The following TRAPPC9 variants were observed in gnomAD, a reference collection of about 807,000 sequenced individuals.
The protein encoded by TRAPPC9 is IKK2 binding protein.
A neutral mutation model predicts 124.0 loss-of-function variants in TRAPPC9; 83 were observed. The ratio of observed to expected loss-of-function variants is 0.67; its 90% CI spans 0.56 to 0.80. The LOEUF is 0.80. TRAPPC9 is among the 30% of genes least tolerant of loss of function. The pLI is 0.00. For synonymous variants in TRAPPC9, 638 were observed against 617.5 expected (o/e 1.03, Z -0.49); for missense variants, 1,302 against 1,508.3 (o/e 0.86, Z 2.27).
intron 19 of TRAPPC9, chr8:139,932,491 G>A (rs776055596): frequency 2.2e-5 from 10 of 456,874 alleles, no homozygotes; most frequent in Non-Finnish European, 4.0e-5. Context: ...CACTGGGCGC[G>A]GTGGCTCACG....
chr8:140,203,326 T>A (rs951452188), intron 17 of TRAPPC9, among the ~76,000 whole-genome samples: 1 of 152,248 alleles, frequency 6.6e-6, no homozygotes, highest in Non-Finnish European at 1.5e-5. Context: ...ATGGTCGTGA[T>A]CTCTGGGCAG....
intron 21 of TRAPPC9, among the ~76,000 whole-genome samples, chr8:139,835,834 G>A (rs1010695991): frequency 6.6e-6 from 1 of 151,962 alleles, no homozygotes. Context: ...ATGAGGCTCC[G>A]AGGACGGCAG....
At chr8:139,966,410 C>A (rs2665932) in intron 19 of TRAPPC9, among the ~76,000 whole-genome samples, 1 of 152,106 alleles carries the variant, frequency 6.6e-6, no homozygotes, top group Non-Finnish European at 1.5e-5. Context: ...TCCCACAGGA[C>A]GCATGCTGCA....
chr8:140,122,023 T>C lies in TRAPPC9; in HGVS notation c.2557-97944A>G, dbSNP rs72687213. Among the ~76,000 whole-genome samples, 862 of 138,438 alleles carry C rather than the reference T, an allele frequency of 6.2e-3. 4 individuals carry two copies. Among genetic ancestry groups the C allele is most frequent in the South Asian group, 0.017 (70 of 4,106 alleles). The allele number at this position is 138,438 out of a possible 152,430, so 90.8% of individuals were successfully genotyped here. A position where few individuals can be genotyped will look rare whatever the true frequency, so the allele number is the denominator to read the frequency against. ...GGAGTCCATCTCTTTCTTTCTTTCT[T>C]TCTCTCTCTCTCTCTCTCTCTCTCT... is the stretch of plus-strand genomic sequence containing the variant. On this transcript the variant is annotated intron_variant, in intron 17 of 22. Transcript: ENST00000438773.
intron 17 of TRAPPC9, among the ~76,000 whole-genome samples, chr8:140,119,287 GT>G (rs1250964074): frequency 6.6e-6 from 1 of 152,232 alleles, no homozygotes; most frequent in Non-Finnish European, 1.5e-5. Context: ...TAAGAAAACT[GT>G]GATCAGGATG....
chr8:139,940,059 G>C (rs1445282754), intron 19 of TRAPPC9, among the ~76,000 whole-genome samples: 1 of 152,174 alleles, frequency 6.6e-6, no homozygotes, highest in African/African-American at 2.4e-5. Flanking sequence ...ATATACCTGC[G>C]AGCTGGACTG....
intron 19 of TRAPPC9, among the ~76,000 whole-genome samples, chr8:139,958,676 C>T (rs1310278479): frequency 1.3e-5 from 2 of 152,150 alleles, no homozygotes; most frequent in African/African-American, 2.4e-5. Flanking sequence ...ACTCTGTAGC[C>T]CCAGGAACAC....
At chr8:140,215,571 G>A (rs1162172907) in intron 17 of TRAPPC9, among the ~76,000 whole-genome samples, 3 of 151,798 alleles carry the variant, frequency 2.0e-5, no homozygotes, top group African/African-American at 7.3e-5. Context: ...GCTTGAACCC[G>A]GGAGGCAGAG....
chr8:140,003,175 C>T (rs528535084), intron 18 of TRAPPC9, among the ~76,000 whole-genome samples: 2 of 151,872 alleles, frequency 1.3e-5, no homozygotes, highest in African/African-American at 4.8e-5. Context: ...AACGAATAAC[C>T]TAATAAAACA....
intron 9 of TRAPPC9, among the ~76,000 whole-genome samples, chr8:140,359,101 C>T (rs1010324858): frequency 2.0e-5 from 3 of 152,206 alleles, no homozygotes; most frequent in East Asian, 1.9e-4. Context: ...ACATGGGACA[C>T]GTCTGCAGGC....
intron 21 of TRAPPC9, among the ~76,000 whole-genome samples, chr8:139,775,732 CTT>C (rs1821313193): frequency 6.6e-6 from 1 of 152,222 alleles, no homozygotes; most frequent in African/African-American, 2.4e-5. Flanking sequence ...CCACTTCCCT[CTT>C]TTCGTGTTGC....
intron 17 of TRAPPC9, among the ~76,000 whole-genome samples, chr8:140,208,700 G>A (rs13438830): frequency 0.45 from 68,385 of 152,128 alleles, 16,685 homozygotes; most frequent in Non-Finnish European, 0.54. Context: ...AGCAGGCACT[G>A]GAAGTGCAGA....
At chr8:140,056,928 A>G (rs1842318431) in intron 17 of TRAPPC9, among the ~76,000 whole-genome samples, 1 of 152,232 alleles carries the variant, frequency 6.6e-6, no homozygotes, top group Non-Finnish European at 1.5e-5. Flanking sequence ...TAAGGGATTA[A>G]TATCCAAAAC....
At chr8:140,300,809 A>AG in intron 10 of TRAPPC9, among the ~76,000 whole-genome samples, 195 bp from the exon 11 acceptor site, 1 of 152,236 alleles carries the variant, frequency 6.6e-6, no homozygotes. Context: ...TCTCCCAGAC[A>AG]GGGGAAATCA....
At chr8:140,177,323 T>G (rs560847640) in intron 17 of TRAPPC9, among the ~76,000 whole-genome samples, 1 of 152,202 alleles carries the variant, frequency 6.6e-6, no homozygotes, top group East Asian at 1.9e-4. Context: ...TATATACATG[T>G]GGGGTTAAGG....
intron 16 of TRAPPC9, among the ~76,000 whole-genome samples, chr8:140,232,478 A>G (rs557849976): frequency 6.6e-6 from 1 of 152,266 alleles, no homozygotes; most frequent in East Asian, 1.9e-4. Flanking sequence ...ATGAAGTCCC[A>G]AAGGATTAAG....
chr8:140,403,061 A>G (rs1431457945), intron 6 of TRAPPC9, among the ~76,000 whole-genome samples: 1 of 152,208 alleles, frequency 6.6e-6, no homozygotes, highest in Non-Finnish European at 1.5e-5. Flanking sequence ...CTATGAGATG[A>G]TGGGTACTGT....
At chr8:139,768,487 T>C (rs1247714711) in intron 21 of TRAPPC9, among the ~76,000 whole-genome samples, 1 of 152,232 alleles carries the variant, frequency 6.6e-6, no homozygotes, top group Non-Finnish European at 1.5e-5. Context: ...TTCAGTGATG[T>C]CTAATTTTGA....
intron 21 of TRAPPC9, chr8:139,881,130 G>T (rs922460603): frequency 6.6e-6 from 1 of 152,346 alleles, no homozygotes; most frequent in Non-Finnish European, 1.5e-5. Context: ...ACGTGGTGCT[G>T]CAGAAGGAGC....
Sources: gnomAD v4.1 joint callset for allele counts (sites outside exome capture counted in the v4.1 genomes callset) on GRCh38, gnomAD v4.1.1 for gene constraint, MANE v1.5 for transcripts, NCBI Gene and HGNC (gene_info 2026-07-23, HGNC 2026-07-21) for gene names.